Variants in TMEM132B observed in about 807,000 individuals in gnomAD.
TMEM132B encodes the protein transmembrane protein 132B.
TMEM132B carries 18 observed loss-of-function variants against 90.8 expected under a neutral mutation model. The ratio of observed to expected loss-of-function variants is 0.20; its 90% confidence interval spans 0.14 to 0.29. The LOEUF (loss-of-function observed/expected upper bound fraction) is 0.29, where lower values mean the gene tolerates loss of function less well. Among genes scored for constraint, TMEM132B ranks in the 10% least tolerant of loss-of-function variants. TMEM132B has a pLI of 1.00. For missense variants in TMEM132B, 1,096 were observed against 1,326.8 expected (o/e 0.83, Z 2.70); for synonymous variants, 504 against 523.3 (o/e 0.96, Z 0.50).
At chr12:125,350,899 C>G (rs1877550969) in intron 2 of TMEM132B, among the ~76,000 whole-genome samples, 1 of 152,162 alleles carries the variant, frequency 6.6e-6, no homozygotes, top group Non-Finnish European at 1.5e-5. Context: ...AGGAAATTTC[C>G]CTGGCCATGC....
In TMEM132B at chr12:125,350,292, C is replaced by A; in HGVS notation, c.908C>A (p.Thr303Asn). ...LNLVREGDTA[T>N]FLVSLTSSSV... is the part of the protein sequence containing the mutation. ...CTAGTCCGGGAAGGGGACACGGCCACCTTTTTGGTCTCTCTGACCAGTAGC... is the reference window on the plus strand; with the variant it reads ...CTAGTCCGGGAAGGGGACACGGCCAACTTTTTGGTCTCTCTGACCAGTAGC... The change falls in exon 2 of 9, where the codon ACC becomes AAC. Residue 303 changes from threonine to asparagine, a missense_variant. Thr to Asn is a moderately conservative substitution (Grantham distance 65). Transcript: ENST00000682704. 1 of 1,613,812 alleles carries A rather than the reference C, an allele frequency of 6.2e-7. No individual in the cohort carries two copies. Among genetic ancestry groups the A allele is most frequent in the Non-Finnish European group, 8.5e-7 (1 of 1,180,028 alleles).
rs1169262449 is a variant in TMEM132B at position 125,625,130 on chromosome 12, C to CTTTTTTTTTTTTT, written c.1438-18938_1438-18926dup. Among the ~76,000 whole-genome samples, 50 of 103,904 alleles carry CTTTTTTTTTTTTT rather than the reference C, an allele frequency of 4.8e-4. 3 individuals carry two copies. The highest frequency in any genetic ancestry group is 2.4e-3 in the Admixed American group (20 of 8,460). 68.2% of individuals were successfully genotyped at this position (103,904 alleles called of 152,430 possible). The stretch of plus-strand genomic sequence containing the variant: ...ATATGTAGTCTTTTGGATTTGACTT[C>CTTTTTTTTTTTTT]TTTTTTTTTTTTTTTTTTTTGAGAC... On this transcript the variant is annotated intron_variant, in intron 5 of 8. Coordinates refer to ENST00000682704, the MANE Select transcript of TMEM132B (RefSeq NM_001366854.1).
At chr12:125,376,500 C>A (rs577174199) in intron 2 of TMEM132B, among the ~76,000 whole-genome samples, 1 of 152,182 alleles carries the variant, frequency 6.6e-6, no homozygotes, top group Non-Finnish European at 1.5e-5. Flanking sequence ...GGTGGATGCT[C>A]ATTTACACTC....
In TMEM132B at chr12:125,522,240, T is replaced by G. The variant is rs529321377; in HGVS notation, c.1293+2615T>G. On this transcript the variant is annotated intron_variant, in intron 4 of 8. Coordinates refer to ENST00000682704, the MANE Select transcript of TMEM132B (RefSeq NM_001366854.1). Reference sequence around the variant, plus strand: ...TTGTCTTGTGCAGATCCCATCACAGTCTGTGATCCATGCTTATTTATGAGT... The same window carrying G: ...TTGTCTTGTGCAGATCCCATCACAGGCTGTGATCCATGCTTATTTATGAGT... 7.9e-5 allele frequency among the ~76,000 whole-genome samples: 12 copies of G among 152,344 alleles called. No individual in the cohort carries two copies. In the South Asian group the frequency reaches 2.5e-3, roughly 32 times the overall value.
chr12:125,387,069 C>T (rs570767169), intron 2 of TMEM132B, among the ~76,000 whole-genome samples: 6 of 147,708 alleles, frequency 4.1e-5, no homozygotes, highest in South Asian at 2.1e-4. Context: ...AGATCCCCGG[C>T]AGCATTATCC....
At chr12:125,486,754 C>T (rs942084991) in intron 3 of TMEM132B, among the ~76,000 whole-genome samples, 3 of 152,146 alleles carry the variant, frequency 2.0e-5, no homozygotes, top group South Asian at 2.1e-4. Context: ...AGGAGACAAA[C>T]GTGTATGATT....
chr12:125,563,856 C>A (rs779997704), intron 4 of TMEM132B, among the ~76,000 whole-genome samples: 53 of 152,156 alleles, frequency 3.5e-4, no homozygotes, highest in Non-Finnish European at 6.8e-4. Context: ...TACCAGAAGC[C>A]AAGGAACTCC....
chr12:125,427,306 T>G lies in TMEM132B; in HGVS notation c.1106+11629T>G, dbSNP rs1880346244. 3.3e-5 allele frequency among the ~76,000 whole-genome samples: 5 copies of G among 152,302 alleles called. No individual in the cohort carries two copies. The South Asian group carries it at 1.0e-3, about 32-fold the overall frequency. On this transcript the variant is annotated intron_variant, in intron 3 of 8. Transcript: ENST00000682704. ...TGTGTGCCAGGTCCTATGCTCTATA[T>G]TATCCCCTTTAATTATCAAAATAGC...
chr12:125,432,902 A>T (rs1253223889), intron 3 of TMEM132B, among the ~76,000 whole-genome samples: 1 of 152,196 alleles, frequency 6.6e-6, no homozygotes, highest in Non-Finnish European at 1.5e-5. Context: ...TCTAGGCTCC[A>T]CAGACACACT....
intron 1 of TMEM132B, among the ~76,000 whole-genome samples, chr12:125,219,979 A>C (rs1873523017): frequency 6.6e-6 from 1 of 152,058 alleles, no homozygotes; most frequent in African/African-American, 2.4e-5. Context: ...ATTTGCCGTA[A>C]GTATTTACAC....
chr12:125,265,210 G>A (rs573529738), intron 1 of TMEM132B, among the ~76,000 whole-genome samples: 1 of 152,344 alleles, frequency 6.6e-6, no homozygotes, highest in South Asian at 2.1e-4. Context: ...GTGCATGACT[G>A]TATGTAGATA....
intron 1 of TMEM132B, among the ~76,000 whole-genome samples, chr12:125,297,062 C>G (rs1055742427): frequency 1.3e-5 from 2 of 152,190 alleles, no homozygotes; most frequent in African/African-American, 4.8e-5. Context: ...TGCTGGCTCT[C>G]TGTTCTCTAG....
intron 3 of TMEM132B, among the ~76,000 whole-genome samples, chr12:125,483,481 T>G (rs1195730377): frequency 6.6e-6 from 1 of 151,750 alleles, no homozygotes; most frequent in Non-Finnish European, 1.5e-5. Flanking sequence ...TAAAAGCAAT[T>G]TGGTCTTGTT....
chr12:125,336,276 C>G (rs1208077775), intron 1 of TMEM132B, among the ~76,000 whole-genome samples: 1 of 152,246 alleles, frequency 6.6e-6, no homozygotes, highest in East Asian at 1.9e-4. Context: ...TTCTTTCACT[C>G]AGCATGATGT....
chr12:125,204,115 C>G (rs1416297332), intron 1 of TMEM132B, among the ~76,000 whole-genome samples: 1 of 152,258 alleles, frequency 6.6e-6, no homozygotes, highest in African/African-American at 2.4e-5. Context: ...GCTCCCTGTG[C>G]CAGGCACTGT....
chr12:125,423,571 G>A (rs192702908), intron 3 of TMEM132B, among the ~76,000 whole-genome samples: 1 of 152,320 alleles, frequency 6.6e-6, no homozygotes, highest in East Asian at 1.9e-4. Flanking sequence ...TAACCAGTGG[G>A]AAGTGCTTTG....
chr12:125,428,255 A>G (rs1880386644), intron 3 of TMEM132B, among the ~76,000 whole-genome samples: 2 of 152,028 alleles, frequency 1.3e-5, no homozygotes, highest in African/African-American at 4.8e-5. Flanking sequence ...CAGCCTCCCA[A>G]AGTACTAGGA....
intron 1 of TMEM132B, among the ~76,000 whole-genome samples, chr12:125,276,677 G>A (rs552271545): frequency 2.6e-5 from 4 of 152,326 alleles, no homozygotes; most frequent in African/African-American, 9.6e-5. Context: ...GTTAAGCAGT[G>A]CTTGCCTATG....
At chr12:125,305,848 C>T (rs1192763564) in intron 1 of TMEM132B, among the ~76,000 whole-genome samples, 1 of 152,184 alleles carries the variant, frequency 6.6e-6, no homozygotes, top group Non-Finnish European at 1.5e-5. Flanking sequence ...TTCTCTATTG[C>T]TGGGTATGTT....
Sources: gnomAD v4.1 joint callset for allele counts (sites outside exome capture counted in the v4.1 genomes callset) on GRCh38, gnomAD v4.1.1 for gene constraint, MANE v1.5 for transcripts, NCBI Gene and HGNC (gene_info 2026-07-23, HGNC 2026-07-21) for gene names.